The following CCDC91 variants were observed in gnomAD, a reference collection of about 807,000 sequenced individuals.
CCDC91 encodes coiled-coil domain containing 91, also known as coiled-coil domain-containing protein 91.
CCDC91 carries 48 observed loss-of-function variants against 63.2 expected under a neutral mutation model. The ratio of observed to expected loss-of-function variants is 0.76; its 90% CI spans 0.60 to 0.97. The LOEUF (loss-of-function observed/expected upper bound fraction) is 0.97. Among genes scored for constraint, CCDC91 ranks in the 50% least tolerant of loss-of-function variants. CCDC91 has a pLI of 0.00. For missense variants in CCDC91, 500 were observed against 494.6 expected, an observed-to-expected ratio of 1.01 and a Z score of -0.10; for synonymous variants, 167 against 165.8, an observed-to-expected ratio of 1.01 and a Z score of -0.06.
chr12:28,501,672 T>A (rs1295271008), intron 12 of CCDC91, among the ~76,000 whole-genome samples: 1 of 151,864 alleles, frequency 6.6e-6, no homozygotes, highest in East Asian at 1.9e-4. Flanking sequence ...AATTCTCTTT[T>A]TTGGTTGTGT....
intron 12 of CCDC91, among the ~76,000 whole-genome samples, chr12:28,490,119 A>C (rs1951920798): frequency 6.6e-6 from 1 of 151,828 alleles, no homozygotes; most frequent in South Asian, 2.1e-4. Context: ...TTAGTGTAGG[A>C]AAATGGCGCT....
chr12:28,397,922 A>G (rs1413930720), intron 8 of CCDC91, among the ~76,000 whole-genome samples: 1 of 152,136 alleles, frequency 6.6e-6, no homozygotes, highest in Non-Finnish European at 1.5e-5. Flanking sequence ...ACCCACACAC[A>G]TTTTAAACAT....
At chr12:28,416,677 C>T (rs1947683161) in intron 8 of CCDC91, among the ~76,000 whole-genome samples, 1 of 151,922 alleles carries the variant, frequency 6.6e-6, no homozygotes, top group Admixed American at 6.6e-5. Context: ...TTGTCCAAAC[C>T]TACTACTAAG....
intron 12 of CCDC91, among the ~76,000 whole-genome samples, chr12:28,517,020 G>A (rs974395437): frequency 1.3e-5 from 2 of 151,916 alleles, no homozygotes; most frequent in Non-Finnish European, 2.9e-5. Context: ...AATCTTTGTT[G>A]TGTCAATACC....
chr12:28,221,916 C>G (rs996394515), intron 1 of CCDC91, among the ~76,000 whole-genome samples: 1 of 152,174 alleles, frequency 6.6e-6, no homozygotes, highest in African/African-American at 2.4e-5. Context: ...ACTCTTAACT[C>G]TGCCCCTTTA....
intron 11 of CCDC91, among the ~76,000 whole-genome samples, chr12:28,473,693 C>T (rs1373854002): frequency 6.6e-6 from 1 of 152,088 alleles, no homozygotes; most frequent in Non-Finnish European, 1.5e-5. Context: ...TTCAACAAAT[C>T]ATCTGACTCA....
At chr12:28,543,084 C>T (rs1416619021) in intron 12 of CCDC91, among the ~76,000 whole-genome samples, 1 of 152,044 alleles carries the variant, frequency 6.6e-6, no homozygotes, top group Non-Finnish European at 1.5e-5. Flanking sequence ...AGTGATTCGG[C>T]CTCCATCTTC....
intron 11 of CCDC91, among the ~76,000 whole-genome samples, chr12:28,462,605 G>A (rs1237248097): frequency 6.6e-6 from 1 of 152,018 alleles, no homozygotes; most frequent in African/African-American, 2.4e-5. Flanking sequence ...TCTTTGAATT[G>A]GGGAAACAAA....
At chr12:28,317,811 CT>C (rs1491252015) in intron 6 of CCDC91, among the ~76,000 whole-genome samples, 4 of 151,524 alleles carry the variant, frequency 2.6e-5, no homozygotes, top group East Asian at 3.9e-4. Flanking sequence ...GTATTTGTAC[CT>C]TTTTTTAATC....
chr12:28,339,791 C>T (rs903434756), intron 6 of CCDC91, among the ~76,000 whole-genome samples: 5 of 152,082 alleles, frequency 3.3e-5, no homozygotes, highest in South Asian at 2.1e-4. Context: ...TGCCCAACCA[C>T]GGACTTGAGC....
At chr12:28,333,251 C>T (rs2137729584) in intron 6 of CCDC91, among the ~76,000 whole-genome samples, 1 of 151,806 alleles carries the variant, frequency 6.6e-6, no homozygotes, top group East Asian at 1.9e-4. Flanking sequence ...AAAAATTAGC[C>T]AGGAGTGGTG....
At chr12:28,413,606 C>T (rs1348141415) in intron 8 of CCDC91, among the ~76,000 whole-genome samples, 2 of 152,092 alleles carry the variant, frequency 1.3e-5, no homozygotes, top group Admixed American at 6.5e-5. Context: ...CCTGCTGAGG[C>T]GTGACAGTGA....
intron 6 of CCDC91, among the ~76,000 whole-genome samples, chr12:28,331,904 CAT>C (rs1313328681): frequency 6.6e-6 from 1 of 152,020 alleles, no homozygotes; most frequent in Non-Finnish European, 1.5e-5. Flanking sequence ...CTGGAGATAT[CAT>C]ATGTGTAAAA....
At chr12:28,328,396 A>C (rs1259466481) in intron 6 of CCDC91, among the ~76,000 whole-genome samples, 3 of 152,192 alleles carry the variant, frequency 2.0e-5, no homozygotes, top group African/African-American at 4.8e-5. Context: ...ATTAGTGACT[A>C]TACACATATA....
intron 1 of CCDC91, among the ~76,000 whole-genome samples, chr12:28,225,176 A>G (rs1944191160): frequency 6.6e-6 from 1 of 152,130 alleles, no homozygotes; most frequent in South Asian, 2.1e-4. Context: ...ATCCAAATAC[A>G]TTGTATTTTT....
At chr12:28,237,715 G>C (rs1050169041) in intron 1 of CCDC91, among the ~76,000 whole-genome samples, 1 of 152,178 alleles carries the variant, frequency 6.6e-6, no homozygotes, top group Non-Finnish European at 1.5e-5. Flanking sequence ...ATAAATATCT[G>C]TTGTTTTCAG....
intron 6 of CCDC91, among the ~76,000 whole-genome samples, chr12:28,342,025 GA>G (rs1942462185): frequency 6.6e-6 from 1 of 152,128 alleles, no homozygotes; most frequent in African/African-American, 2.4e-5. Context: ...CCTCAAAGTA[GA>G]GAGATTCTCT....
chr12:28,458,437 T>C lies in CCDC91; in HGVS notation c.1101+5783T>C, dbSNP rs1592730079. ...GAGAATTCATCCTAGATTTTCCCTT[T>C]TGTCCTCATTTGCACACCTTTTTTT... On this transcript the variant is annotated intron_variant, in intron 11 of 12. Transcript: ENST00000536442. 3.4e-5 allele frequency among the ~76,000 whole-genome samples: 5 copies of C among 149,214 alleles called. 1 individual carries two copies. The highest frequency in any genetic ancestry group is 1.2e-4 in the African/African-American group (5 of 40,476).
chr12:28,518,011 CA>C (rs1940143573), intron 12 of CCDC91, among the ~76,000 whole-genome samples: 1 of 151,702 alleles, frequency 6.6e-6, no homozygotes, highest in African/African-American at 2.4e-5. Flanking sequence ...GTATGTAGAC[CA>C]CGGTTTCTTT....
Sources: allele counts gnomAD v4.1 joint callset (sites outside exome capture counted in the v4.1 genomes callset), GRCh38; gene constraint gnomAD v4.1.1; transcripts MANE v1.5; gene names NCBI Gene and HGNC (gene_info 2026-07-23, HGNC 2026-07-21).